Variants in NPAS2 observed in about 807,000 individuals in gnomAD.
NPAS2 encodes neuronal PAS domain protein 2, also known as neuronal PAS domain-containing protein 2.
Under a neutral mutation model 107.5 loss-of-function variants are expected in NPAS2, and 23 were observed. That is an observed-to-expected ratio of 0.21 (90% CI 0.15 to 0.30). NPAS2 has a LOEUF of 0.30. NPAS2 is among the 10% of genes least tolerant of loss of function. The pLI is 1.00. For synonymous variants in NPAS2, 403 were observed against 417.5 expected (o/e 0.97, Z 0.42); for missense variants, 756 against 1,043.3 (o/e 0.72, Z 3.79).
chr2:100,914,176 T>G (rs1682727109), intron 2 of NPAS2, among the ~76,000 whole-genome samples: 1 of 152,186 alleles, frequency 6.6e-6, no homozygotes, highest in Admixed American at 6.5e-5. Flanking sequence ...TGTGGGTGTG[T>G]GTGTGACACT....
At chr2:100,979,138 C>T (rs1057296989) in intron 15 of NPAS2, among the ~76,000 whole-genome samples, 4 of 152,112 alleles carry the variant, frequency 2.6e-5, no homozygotes, top group African/African-American at 7.2e-5. Context: ...CACATGCTAA[C>T]GCGTGCTGCT....
At chr2:100,904,883 C>A in intron 2 of NPAS2, 97 bp downstream of exon 2, 1 of 837,590 alleles carries the variant, frequency 1.2e-6, no homozygotes, top group South Asian at 1.5e-5. Flanking sequence ...CAGGTGAGGC[C>A]ACCAGCAAGA....
intron 1 of NPAS2, among the ~76,000 whole-genome samples, chr2:100,870,687 C>T (rs1157468985): frequency 6.6e-6 from 1 of 152,240 alleles, no homozygotes; most frequent in Non-Finnish European, 1.5e-5. Flanking sequence ...TCACCACTCC[C>T]AGCCTTCTCT....
At chr2:100,960,502 A>C (rs876060) in intron 7 of NPAS2, among the ~76,000 whole-genome samples, 1 of 151,238 alleles carries the variant, frequency 6.6e-6, no homozygotes, top group Non-Finnish European at 1.5e-5. Flanking sequence ...CAAGCAGAAG[A>C]CCACGCCACG....
intron 1 of NPAS2, among the ~76,000 whole-genome samples, chr2:100,896,671 C>G (rs188394187): frequency 1.2e-4 from 19 of 152,306 alleles, no homozygotes; most frequent in Non-Finnish European, 2.2e-4. Context: ...ATTTTAGTCA[C>G]CAGGATATAA....
chr2:100,878,227 G>A, intron 1 of NPAS2: 3 of 985,398 alleles, frequency 3.0e-6, no homozygotes, highest in Non-Finnish European at 3.6e-6. Context: ...GGAAAGCTGG[G>A]CAGAAGGCAA....
At chr2:100,829,232 T>C (rs1473299825) in intron 1 of NPAS2, among the ~76,000 whole-genome samples, 5 of 151,494 alleles carry the variant, frequency 3.3e-5, no homozygotes, top group Admixed American at 3.3e-4. Context: ...TCGCCCAGGC[T>C]GGATTGCAGT....
intron 1 of NPAS2, among the ~76,000 whole-genome samples, chr2:100,843,565 G>A (rs1030987543): frequency 1.3e-5 from 2 of 152,104 alleles, no homozygotes; most frequent in East Asian, 1.9e-4. Flanking sequence ...GAGATAGTTT[G>A]TCCTATATAC....
intron 2 of NPAS2, among the ~76,000 whole-genome samples, chr2:100,911,570 C>A (rs1392577013): frequency 6.6e-6 from 1 of 152,014 alleles, no homozygotes; most frequent in African/African-American, 2.4e-5. Flanking sequence ...AATCATACCA[C>A]CTGGAGATAG....
chr2:100,937,927 C>T, intron 5 of NPAS2, 85 bp downstream of exon 5: 1 of 1,087,910 alleles, frequency 9.2e-7, no homozygotes, highest in Non-Finnish European at 1.4e-6. Context: ...GAAGGTGGTG[C>T]AGGTGTCAGG....
At position 100,856,219 on chromosome 2, in the gene NPAS2, C is replaced by CT. The variant is rs372040174; in HGVS notation, c.-23+35805_-23+35806insT. ...ATGTAACTGCCCAGTAAAAGTCAGA[C>CT]AAGACCATCCATTAGGATTTAAGTG... On this transcript the variant is annotated intron_variant, in intron 1 of 20. Coordinates refer to ENST00000335681, the MANE Select transcript of NPAS2 (RefSeq NM_002518.4). Among the ~76,000 whole-genome samples the CT allele has an allele frequency of 5.3e-4, 81 of 152,368 alleles. 1 individual carries two copies. The highest frequency in any genetic ancestry group is 1.9e-3 in the African/African-American group (81 of 41,582).
intron 1 of NPAS2, among the ~76,000 whole-genome samples, chr2:100,828,609 C>T (rs1676531226): frequency 6.6e-6 from 1 of 152,142 alleles, no homozygotes; most frequent in Non-Finnish European, 1.5e-5. Flanking sequence ...CATTCTTCTG[C>T]ATATGGCTAG....
Position 100,965,671 on chromosome 2 carries a change from T to C in NPAS2, c.812T>C (p.Ile271Thr). ...TTGTCCTTGTGCAGAGCACCTCCAA[T>C]CATAGGATACCTGCCTTTTGAAGTG... ...FLFLDHRAPP[I>T]IGYLPFEVLG... The change falls in exon 10 of 21, where the codon ATC becomes ACC. Residue 271 changes from isoleucine to threonine, a missense_variant. Physicochemically the swap from Ile to Thr is moderately conservative, Grantham distance 89. Transcript: ENST00000335681. The surrounding 1 kb of genome is among the most constrained non-coding windows in gnomAD (Gnocchi z 4.3). 1.2e-6 allele frequency: 2 copies of C among 1,613,440 alleles called. No homozygotes were observed. Among genetic ancestry groups the C allele is most frequent in the Non-Finnish European group, 1.7e-6 (2 of 1,179,410 alleles).
At chr2:100,913,201 C>G (rs759135134) in intron 2 of NPAS2, among the ~76,000 whole-genome samples, 12 of 152,200 alleles carry the variant, frequency 7.9e-5, no homozygotes, top group Admixed American at 2.0e-4. Flanking sequence ...CTTCAGAGAG[C>G]TGCACATCTA....
chr2:100,876,022 T>A (rs1281786590), intron 1 of NPAS2, among the ~76,000 whole-genome samples: 1 of 152,224 alleles, frequency 6.6e-6, no homozygotes, highest in African/African-American at 2.4e-5. Flanking sequence ...AATCCTGTTA[T>A]CCCATTACAC....
chr2:100,860,354 C>T (rs1203958558), intron 1 of NPAS2, among the ~76,000 whole-genome samples: 1 of 152,206 alleles, frequency 6.6e-6, no homozygotes, highest in Non-Finnish European at 1.5e-5. Flanking sequence ...TGATTAGTCC[C>T]ATGACTGGTG....
At chr2:100,907,067 A>C (rs1682197424) in intron 2 of NPAS2, among the ~76,000 whole-genome samples, 1 of 152,126 alleles carries the variant, frequency 6.6e-6, no homozygotes, top group African/African-American at 2.4e-5. Context: ...AGTTCATAGG[A>C]GTTTTACTTT....
chr2:100,915,596 T>C (rs1682834049), intron 2 of NPAS2, among the ~76,000 whole-genome samples: 1 of 152,188 alleles, frequency 6.6e-6, no homozygotes, highest in Non-Finnish European at 1.5e-5. Flanking sequence ...AGTAGCACTA[T>C]GGATTTCTCA....
chr2:100,827,101 T>C (rs1676436873), intron 1 of NPAS2, among the ~76,000 whole-genome samples: 1 of 152,202 alleles, frequency 6.6e-6, no homozygotes, highest in Non-Finnish European at 1.5e-5. Flanking sequence ...ATGATCGACC[T>C]TGCAGTAAAC....
Sources: gnomAD v4.1 joint callset for allele counts (sites outside exome capture counted in the v4.1 genomes callset) on GRCh38, gnomAD v4.1.1 for gene constraint, Gnocchi (gnomAD v3.1) non-coding constraint, MANE v1.5 for transcripts, NCBI Gene and HGNC (gene_info 2026-07-23, HGNC 2026-07-21) for gene names.